The following ITPR2 variants were observed in gnomAD, a reference collection of about 807,000 sequenced individuals.
ITPR2 encodes the protein inositol 1,4,5-trisphosphate-gated calcium channel ITPR2.
ITPR2 carries 207 observed loss-of-function variants against 317.1 expected under a neutral mutation model. That is an observed-to-expected ratio of 0.65 (90% CI 0.58 to 0.73). ITPR2 has a LOEUF of 0.73. Ranked by LOEUF, ITPR2 falls within the 30% of genes least tolerant of loss-of-function variation. The probability of loss-of-function intolerance (pLI) is 0.00; values close to 1 mark genes in which losing one functional copy is unlikely to be tolerated. For missense variants in ITPR2, 2,613 were observed against 3,284.0 expected, an observed-to-expected ratio of 0.80 and a Z score of 4.99; for synonymous variants, 1,156 against 1,149.1, an observed-to-expected ratio of 1.01 and a Z score of -0.12.
chr12:26,556,024 A>G (rs941776926), intron 36 of ITPR2, among the ~76,000 whole-genome samples: 3 of 152,210 alleles, frequency 2.0e-5, no homozygotes, highest in Non-Finnish European at 4.4e-5. Context: ...TTTTCAGTAA[A>G]TTTAGTAAAA....
Position 26,711,151 on chromosome 12 carries a change from CCA to C in ITPR2, c.951+20_951+21del. On this transcript the variant is annotated intron_variant, in intron 9 of 56. Coordinates refer to ENST00000381340, the MANE Select transcript of ITPR2 (RefSeq NM_002223.4). ...CTAATTCAGAGTCAGAAACTTAATA[CCA>C]CTTTATCCATTAGTCTTACCTCTGC... is the stretch of plus-strand genomic sequence containing the variant. 6.5e-7 allele frequency: 1 copy of C among 1,530,880 alleles called. No homozygotes were observed. The highest frequency in any genetic ancestry group is 2.3e-5 in the East Asian group (1 of 44,392). The allele number at this position is 1,530,880 out of a possible 1,614,324, so 94.8% of individuals were successfully genotyped here. A position where few individuals can be genotyped will look rare whatever the true frequency, so the allele number is the denominator to read the frequency against.
In ITPR2 at chr12:26,353,424, G is replaced by C. The variant is rs569517290; in HGVS notation, c.7858-13096C>G. ...TGCTGAATAGCCAGTGATGGCACCA[G>C]ACTCAAGGTGGCCTACAGAAAGACT... On this transcript the variant is annotated intron_variant, in intron 55 of 56. Transcript: ENST00000381340. Among the ~76,000 whole-genome samples the C allele has an allele frequency of 4.1e-4, 63 of 152,318 alleles. 1 individual carries two copies. In the South Asian group the frequency reaches 9.1e-3, roughly 22 times the overall value.
chr12:26,460,871 G>C (rs559876817), intron 45 of ITPR2, among the ~76,000 whole-genome samples: 4 of 152,154 alleles, frequency 2.6e-5, no homozygotes, highest in Admixed American at 2.6e-4. Context: ...TTTGCCCTCC[G>C]ACCTGGATGC....
rs552252698 is a variant in ITPR2 at position 26,335,355 on chromosome 12, T to C, written c.*4042A>G. 4.6e-5 allele frequency among the ~76,000 whole-genome samples: 7 copies of C among 152,370 alleles called. No individual in the cohort carries two copies. The highest frequency in any genetic ancestry group is 1.7e-4 in the African/African-American group (7 of 41,594). ...TAAAGTATTGCAAACAAAAAAGTTA[T>C]ACACATCCAATTTTATTAACATTCA... On this transcript the variant is annotated 3_prime_UTR_variant, in exon 57 of 57. Transcript: ENST00000381340.
chr12:26,581,219 A>G (rs936469807), intron 32 of ITPR2, among the ~76,000 whole-genome samples: 1 of 152,212 alleles, frequency 6.6e-6, no homozygotes, highest in Admixed American at 6.6e-5. Flanking sequence ...AATTCATAAA[A>G]GAGAACATTT....
rs1946030191 is a variant in ITPR2, at chr12:26,602,717, C to A, written c.3463-11G>T. The A allele has an allele frequency of 1.3e-6, 2 of 1,520,534 alleles. No homozygotes were observed. Among genetic ancestry groups the A allele is most frequent in the Non-Finnish European group, 1.8e-6 (2 of 1,104,190 alleles). 94.2% of individuals were successfully genotyped at this position (1,520,534 alleles called of 1,614,324 possible). On this transcript the variant is annotated splice_polypyrimidine_tract_variant and intron_variant, in intron 26 of 56. Coordinates refer to ENST00000381340, the MANE Select transcript of ITPR2 (RefSeq NM_002223.4). Reference sequence around the variant, plus strand: ...TAAAATGTTTGATTCCTAAAAGGAACACAAATATGTACTTTTATGCCATTT... The same window carrying A: ...TAAAATGTTTGATTCCTAAAAGGAAAACAAATATGTACTTTTATGCCATTT...
At chr12:26,680,388 A>G (rs940240658) in intron 13 of ITPR2, among the ~76,000 whole-genome samples, 5 of 152,186 alleles carry the variant, frequency 3.3e-5, no homozygotes, top group Non-Finnish European at 5.9e-5. Flanking sequence ...AATGATCACT[A>G]TGTCAAAATT....
At chr12:26,820,579 C>T (rs1230027689) in intron 1 of ITPR2, among the ~76,000 whole-genome samples, 1 of 152,040 alleles carries the variant, frequency 6.6e-6, no homozygotes, top group Non-Finnish European at 1.5e-5. Flanking sequence ...AGGTGAAATG[C>T]TAAACATAGC....
At chr12:26,462,504 G>T (rs1942062216) in intron 45 of ITPR2, among the ~76,000 whole-genome samples, 1 of 151,994 alleles carries the variant, frequency 6.6e-6, no homozygotes, top group Admixed American at 6.6e-5. Context: ...GTGAGCCACT[G>T]TGCCTGGCGG....
At chr12:26,643,902 A>G (rs771026057) in intron 21 of ITPR2, among the ~76,000 whole-genome samples, 6 of 152,210 alleles carry the variant, frequency 3.9e-5, no homozygotes, top group Non-Finnish European at 8.8e-5. Context: ...TCCTCAGCCT[A>G]TCCATATTGA....
At chr12:26,659,803 G>A (rs1381365780) in intron 15 of ITPR2, among the ~76,000 whole-genome samples, 2 of 152,198 alleles carry the variant, frequency 1.3e-5, no homozygotes, top group Non-Finnish European at 2.9e-5. Flanking sequence ...TGAGACATGA[G>A]ATCTGGGTTG....
chr12:26,616,600 A>G lies in ITPR2; in HGVS notation c.3462+4523T>C, dbSNP rs12317903. Among the ~76,000 whole-genome samples, 1,361 of 152,326 alleles carry G rather than the reference A, an allele frequency of 8.9e-3. 14 individuals carry two copies. Among genetic ancestry groups the G allele is most frequent in the African/African-American group, 0.03 (1,260 of 41,568 alleles). On this transcript the variant is annotated intron_variant, in intron 26 of 56. Transcript: ENST00000381340. ...AAATTATACCACCAATTTTTTTTAA[A>G]TCGAAAAGTCTGTCAACATAAAACG...
chr12:26,428,170 T>C lies in ITPR2; in HGVS notation c.6770-82A>G, dbSNP rs1007192184. ...ATATTTGCTGCTCTACTTTATATGG[T>C]ATCATTAAGTCAAAGCCATAATCCA... On this transcript the variant is annotated intron_variant, in intron 48 of 56. Coordinates refer to ENST00000381340, the MANE Select transcript of ITPR2 (RefSeq NM_002223.4). 6 of 1,016,030 alleles carry C rather than the reference T, an allele frequency of 5.9e-6. No individual in the cohort carries two copies. In the Admixed American group the frequency reaches 1.2e-4, roughly 20 times the overall value. 62.9% of individuals were successfully genotyped at this position (1,016,030 alleles called of 1,614,324 possible). A position where few individuals can be genotyped will look rare whatever the true frequency, so the allele number is the denominator to read the frequency against.
At chr12:26,402,115 G>A (rs897085356) in intron 52 of ITPR2, among the ~76,000 whole-genome samples, 2 of 152,196 alleles carry the variant, frequency 1.3e-5, no homozygotes, top group East Asian at 3.9e-4. Flanking sequence ...ACCAAGGGTG[G>A]GGGAAGCTCA....
At chr12:26,566,190 G>A (rs1944978733) in intron 34 of ITPR2, among the ~76,000 whole-genome samples, 2 of 130,898 alleles carry the variant, frequency 1.5e-5, no homozygotes. Flanking sequence ...AGAGGGAGAG[G>A]GAGATGAGAG....
chr12:26,388,768 A>T (rs934789649), intron 54 of ITPR2, among the ~76,000 whole-genome samples: 2 of 152,200 alleles, frequency 1.3e-5, no homozygotes, highest in Non-Finnish European at 2.9e-5. Flanking sequence ...ACATTATTGG[A>T]TATCTGTATG....
chr12:26,597,489 T>C (rs931077290), intron 30 of ITPR2, among the ~76,000 whole-genome samples: 7 of 152,130 alleles, frequency 4.6e-5, no homozygotes, highest in Non-Finnish European at 7.3e-5. Flanking sequence ...GCACAAGAAA[T>C]CTCATAATTT....
chr12:26,521,971 C>T (rs1943678532), intron 37 of ITPR2, among the ~76,000 whole-genome samples: 2 of 152,266 alleles, frequency 1.3e-5, no homozygotes, highest in South Asian at 2.1e-4. Context: ...ATAGCAGATG[C>T]CATTTACTGA....
rs558078707 is a variant in ITPR2 at position 26,556,457 on chromosome 12, C to T, written c.4822-82G>A. The T allele has an allele frequency of 1.2e-4, 164 of 1,349,924 alleles. 4 individuals carry two copies. In the South Asian group the frequency reaches 2.1e-3, roughly 17 times the overall value. The allele number at this position is 1,349,924 out of a possible 1,614,324, so 83.6% of individuals were successfully genotyped here. A position where few individuals can be genotyped will look rare whatever the true frequency, so the allele number is the denominator to read the frequency against. ...CGAAGATAAGACAAGCTCAAGAATA[C>T]TAATGGGAATTTTATAGATGCCCCT... On this transcript the variant is annotated intron_variant, in intron 35 of 56. Transcript: ENST00000381340.
Sources: gnomAD v4.1 joint callset for allele counts (sites outside exome capture counted in the v4.1 genomes callset) on GRCh38, gnomAD v4.1.1 for gene constraint, MANE v1.5 for transcripts, NCBI Gene and HGNC (gene_info 2026-07-23, HGNC 2026-07-21) for gene names.